The following PLCB4 variants were observed in gnomAD, a reference collection of about 807,000 sequenced individuals.
The protein encoded by PLCB4 is 1-phosphatidylinositol 4,5-bisphosphate phosphodiesterase beta-4.
In PLCB4, 77 loss-of-function variants were observed where a neutral mutation model predicts 178.8. The ratio of observed to expected loss-of-function variants is 0.43; its 90% CI spans 0.36 to 0.52. PLCB4 has a LOEUF of 0.52. Ranked by LOEUF, PLCB4 falls within the 20% of genes least tolerant of loss-of-function variation. The probability of loss-of-function intolerance (pLI) is 0.00; values close to 1 mark genes in which losing one functional copy is unlikely to be tolerated. For missense variants in PLCB4, 1,024 were observed against 1,453.4 expected (o/e 0.70, Z 4.80); for synonymous variants, 496 against 490.8 (o/e 1.01, Z -0.14).
intron 2 of PLCB4, among the ~76,000 whole-genome samples, chr20:9,139,400 T>C (rs1228400792): frequency 6.6e-6 from 1 of 152,106 alleles, no homozygotes; most frequent in Non-Finnish European, 1.5e-5. Flanking sequence ...GAGGACTCAC[T>C]CACATGGTTA....
chr20:9,453,584 A>G (rs1414785423), intron 33 of PLCB4, 122 bp downstream of exon 33: 1 of 606,194 alleles, frequency 1.6e-6, no homozygotes, highest in Non-Finnish European at 2.9e-6. Context: ...ATCATTAAAA[A>G]TTATTCCTGG....
intron 3 of PLCB4, among the ~76,000 whole-genome samples, chr20:9,272,282 G>A (rs1316706684): frequency 6.6e-6 from 1 of 152,026 alleles, no homozygotes; most frequent in Non-Finnish European, 1.5e-5. Context: ...GTTGCAATGA[G>A]GTTCGCTGTA....
chr20:9,080,256 T>G (rs1383769278), intron 1 of PLCB4, among the ~76,000 whole-genome samples: 2 of 152,196 alleles, frequency 1.3e-5, no homozygotes, highest in African/African-American at 4.8e-5. Flanking sequence ...GCTTGAAAGG[T>G]GAAGTCTGCT....
At chr20:9,427,954 A>T (rs2041141522) in intron 28 of PLCB4, among the ~76,000 whole-genome samples, 1 of 152,122 alleles carries the variant, frequency 6.6e-6, no homozygotes, top group Non-Finnish European at 1.5e-5. Context: ...CTCCTCTTCT[A>T]CAACTATTTT....
intron 2 of PLCB4, among the ~76,000 whole-genome samples, chr20:9,112,576 T>C (rs2091620291): frequency 6.6e-6 from 1 of 152,080 alleles, no homozygotes; most frequent in African/African-American, 2.4e-5. Flanking sequence ...TCTTTATTGA[T>C]TGTCTCACAC....
chr20:9,473,892 C>T (rs1021950460), intron 38 of PLCB4, among the ~76,000 whole-genome samples: 1 of 152,002 alleles, frequency 6.6e-6, no homozygotes, highest in Non-Finnish European at 1.5e-5. Flanking sequence ...CCCTGCAAGA[C>T]AAGACACTAA....
chr20:9,147,458 G>C (rs572467854), intron 2 of PLCB4, among the ~76,000 whole-genome samples: 6 of 152,030 alleles, frequency 3.9e-5, no homozygotes, highest in African/African-American at 1.4e-4. Flanking sequence ...TGTAAGTTTC[G>C]GGGGGTTCAG....
intron 2 of PLCB4, among the ~76,000 whole-genome samples, chr20:9,120,601 T>G (rs940260962): frequency 6.6e-6 from 1 of 152,166 alleles, no homozygotes; most frequent in Non-Finnish European, 1.5e-5. Flanking sequence ...ATACTACTTC[T>G]CATCTGCAGA....
At chr20:9,308,813 C>T (rs1470884551) in intron 4 of PLCB4, among the ~76,000 whole-genome samples, 8 of 152,142 alleles carry the variant, frequency 5.3e-5, no homozygotes. Context: ...ATTGCAAATG[C>T]TAAGGATGGA....
rs2037378601 is a variant in PLCB4, at chr20:9,384,126, C to T, written c.854-75C>T. ...TTTACTCTTATAATTTAAGCTGCCT[C>T]AGCTTCCATGAATAAAACATGAGAT... On this transcript the variant is annotated intron_variant, in intron 13 of 39. Coordinates refer to ENST00000378473, the MANE Select transcript of PLCB4 (RefSeq NM_001377142.1). The T allele has an allele frequency of 2.7e-6, 3 of 1,123,890 alleles. No individual in the cohort carries two copies. In the East Asian group the frequency reaches 7.1e-5, roughly 26 times the overall value. The allele number at this position is 1,123,890 out of a possible 1,614,324, so 69.6% of individuals were successfully genotyped here.
At chr20:9,177,517 G>C (rs1489926932) in intron 2 of PLCB4, among the ~76,000 whole-genome samples, 1 of 152,126 alleles carries the variant, frequency 6.6e-6, no homozygotes, top group African/African-American at 2.4e-5. Flanking sequence ...AATCAAGGGA[G>C]GAAGTCATTT....
At chr20:9,129,366 C>T (rs768423289) in intron 2 of PLCB4, among the ~76,000 whole-genome samples, 20 of 152,286 alleles carry the variant, frequency 1.3e-4, no homozygotes, top group Non-Finnish European at 2.1e-4. Context: ...GTATTCTTCA[C>T]ATTTCCCCGA....
chr20:9,348,043 A>G (rs1168511595), intron 7 of PLCB4, among the ~76,000 whole-genome samples: 1 of 152,200 alleles, frequency 6.6e-6, no homozygotes, highest in African/African-American at 2.4e-5. Flanking sequence ...ACCAGGAGCC[A>G]AGGATGGTCC....
intron 2 of PLCB4, among the ~76,000 whole-genome samples, chr20:9,097,775 T>C (rs1045089822): frequency 6.6e-6 from 1 of 152,124 alleles, no homozygotes; most frequent in Non-Finnish European, 1.5e-5. Flanking sequence ...GTTGCTCACA[T>C]GTTACTTATA....
intron 38 of PLCB4, 39 bp downstream of exon 38, chr20:9,473,404 A>T: frequency 8.1e-7 from 1 of 1,231,454 alleles, no homozygotes; most frequent in South Asian, 1.3e-5. Flanking sequence ...GCAGGCAGCT[A>T]GCCAGCTTTG....
At chr20:9,106,164 T>A (rs927052680) in intron 2 of PLCB4, among the ~76,000 whole-genome samples, 1 of 151,902 alleles carries the variant, frequency 6.6e-6, no homozygotes, top group African/African-American at 2.4e-5. Context: ...ATAATGAATA[T>A]GGGGCCGTCA....
At chr20:9,404,630 C>T (rs527469736) in intron 20 of PLCB4, among the ~76,000 whole-genome samples, 1 of 148,842 alleles carries the variant, frequency 6.7e-6, no homozygotes, top group African/African-American at 2.5e-5. Flanking sequence ...AAAAAAGTTG[C>T]TAAAGCCTTC....
At chr20:9,182,698 G>A (rs935256475) in intron 2 of PLCB4, among the ~76,000 whole-genome samples, 6 of 152,166 alleles carry the variant, frequency 3.9e-5, no homozygotes, top group African/African-American at 4.8e-5. Context: ...ATGGGACTTC[G>A]GATTTTTAAA....
chr20:9,081,636 T>G (rs1183994604), intron 1 of PLCB4, among the ~76,000 whole-genome samples: 2 of 152,070 alleles, frequency 1.3e-5, no homozygotes, highest in Admixed American at 6.6e-5. Flanking sequence ...ACAGCATGAC[T>G]CTCTTGGGAA....
Sources: allele counts gnomAD v4.1 joint callset (sites outside exome capture counted in the v4.1 genomes callset), GRCh38; gene constraint gnomAD v4.1.1; transcripts MANE v1.5; gene names NCBI Gene and HGNC (gene_info 2026-07-23, HGNC 2026-07-21).